The following CLDN22 variants were observed in gnomAD, a reference collection of about 807,000 sequenced individuals.
CLDN22 encodes claudin-22.
For synonymous variants in CLDN22, 86 were observed against 107.9 expected, an observed-to-expected ratio of 0.80 and a Z score of 1.26; for missense variants, 227 against 252.2, an observed-to-expected ratio of 0.90 and a Z score of 0.68.
In CLDN22 at chr4:183,319,292, C is replaced by G; in HGVS notation, c.*264G>C. 1 of 394,360 alleles carries G rather than the reference C, an allele frequency of 2.5e-6. No individual in the cohort carries two copies. Among genetic ancestry groups the G allele is most frequent in the Admixed American group, 4.2e-5 (1 of 23,752 alleles). 24.4% of individuals were successfully genotyped at this position (394,360 alleles called of 1,614,324 possible). ...ATAGAGATTAATGTTTTATTTACCA[C>G]TTCTGTGCAATCGCTATTTTAAAAT... On this transcript the variant is annotated 3_prime_UTR_variant, in exon 1 of 1. Coordinates refer to ENST00000323319, the MANE Select transcript of CLDN22 (RefSeq NM_001111319.3).
In CLDN22 at chr4:183,319,820, G is replaced by A. The variant is rs1739575576; in HGVS notation, c.399C>T (p.Ala133=). The A allele has an allele frequency of 2.5e-6, 4 of 1,613,920 alleles. No homozygotes were observed. The highest frequency in any genetic ancestry group is 3.4e-6 in the Non-Finnish European group (4 of 1,179,894). The change falls in exon 1 of 1, where the codon GCC becomes GCT. Residue 133 remains alanine (A), a synonymous_variant. Coordinates refer to ENST00000323319, the MANE Select transcript of CLDN22 (RefSeq NM_001111319.3). The stretch of plus-strand genomic sequence containing the variant: ...GGGCAACCCAAGAGACGGGAACCAG[G>A]GCTGTGACTCCCGAGGCCCAGGACA... ...GILSWASGVT[A]LVPVSWVAHK... is the part of the protein sequence containing the mutation.
chr4:183,319,830 C>T lies in CLDN22; in HGVS notation c.389G>A (p.Gly130Glu). ...ILGGILSWAS[G>E]VTALVPVSWV... is the part of the protein sequence containing the mutation. ...AGAGACGGGAACCAGGGCTGTGACT[C>T]CCGAGGCCCAGGACAGAATTCCTCC... The change falls in exon 1 of 1, where the codon GGA (glycine) becomes GAA (glutamate). Residue 130 changes from glycine to glutamate, a missense_variant. Gly to Glu is a moderately conservative substitution (Grantham distance 98, BLOSUM62 -2). Transcript: ENST00000323319. 1.9e-6 allele frequency: 3 copies of T among 1,613,986 alleles called. No homozygotes were observed. The highest frequency in any genetic ancestry group is 1.7e-6 in the Non-Finnish European group (2 of 1,179,890).
Position 183,319,992 on chromosome 4 carries a change from T to G in CLDN22, c.227A>C (p.Glu76Ala). The change falls in exon 1 of 1, where the codon GAA (glutamate) becomes GCA (alanine). Residue 76 changes from glutamate (E) to alanine (A), a missense_variant. Glu to Ala is a moderately radical substitution (Grantham distance 107). Coordinates refer to ENST00000323319, the MANE Select transcript of CLDN22 (RefSeq NM_001111319.3). Reference protein sequence around the residue: ...DFDSFLALPAELRVSRILMFL... With the variant: ...DFDSFLALPAALRVSRILMFL... ...CATTAAGATCCTGGAGACCCTGAGT[T>G]CAGCAGGCAAAGCCAGGAAGGAGTC... 1 of 1,613,792 alleles carries G rather than the reference T, an allele frequency of 6.2e-7. No individual in the cohort carries two copies.
Position 183,319,246 on chromosome 4 carries a change from G to T in CLDN22, c.*310C>A. The stretch of plus-strand genomic sequence containing the variant: ...TTTGCCAAATGATTCCGCTCCATAT[G>T]AATAATACCTTCAAAGATACATAGA... On this transcript the variant is annotated 3_prime_UTR_variant, in exon 1 of 1. Coordinates refer to ENST00000323319, the MANE Select transcript of CLDN22 (RefSeq NM_001111319.3). 4.0e-6 allele frequency: 1 copy of T among 247,438 alleles called. No homozygotes were observed. Among genetic ancestry groups the T allele is most frequent in the Non-Finnish European group, 7.7e-6 (1 of 129,048 alleles). 15.3% of individuals were successfully genotyped at this position (247,438 alleles called of 1,614,324 possible).
At position 183,318,588 on chromosome 4, in the gene CLDN22, CAA is replaced by C. The variant is rs879176114; in HGVS notation, c.*966_*967del. On this transcript the variant is annotated 3_prime_UTR_variant, in exon 1 of 1. Transcript: ENST00000323319. ...TTTATTTCCCTGATTGGCACAAACA[CAA>C]GAGTTTCCTTGAACCATGTACCAAG... The C allele has an allele frequency of 1.3e-5, 2 of 152,182 alleles. No homozygotes were observed. The highest frequency in any genetic ancestry group is 4.2e-4 in the South Asian group (2 of 4,810). 9.4% of individuals were successfully genotyped at this position (152,182 alleles called of 1,614,324 possible).
rs1402635615 is a variant in CLDN22, at chr4:183,319,566, A to T, written c.653T>A (p.Leu218Gln). 6.2e-7 allele frequency: 1 copy of T among 1,610,518 alleles called. No individual in the cohort carries two copies. The highest frequency in any genetic ancestry group is 8.5e-7 in the Non-Finnish European group (1 of 1,178,298). Residue 218 changes from leucine (L) to glutamine (Q), a missense_variant, in exon 1 of 1, where the codon CTG becomes CAG. Coordinates refer to ENST00000323319, the MANE Select transcript of CLDN22 (RefSeq NM_001111319.3). ...HQELETRNTN[L>Q]KH is the part of the protein sequence containing the mutation. ...CTTGTCCTTTCTGGCTTAGTGTTTC[A>T]GGTTGGTGTTTCTCGTCTCCAGTTC...
In CLDN22 at chr4:183,319,843, A is replaced by G. The variant is rs928152435; in HGVS notation, c.376T>C (p.Ser126Pro). The change falls in exon 1 of 1, where the codon TCC (serine) becomes CCC (proline). Residue 126 changes from serine to proline, a missense_variant. By Grantham distance (74) the Ser-to-Pro change is moderately conservative. Coordinates refer to ENST00000323319, the MANE Select transcript of CLDN22 (RefSeq NM_001111319.3). ...AGGGCTGTGACTCCCGAGGCCCAGG[A>G]CAGAATTCCTCCCAGGATCAGCAGT... ...RRLLILGGIL[S>P]WASGVTALVP... is the part of the protein sequence containing the mutation. 4.3e-6 allele frequency: 7 copies of G among 1,613,960 alleles called. No individual in the cohort carries two copies. The South Asian group carries it at 5.5e-5, about 13-fold the overall frequency.
rs1006298490 is a variant in CLDN22 at position 183,319,067 on chromosome 4, A to G, written c.*489T>C. 6.5e-6 allele frequency: 1 copy of G among 153,694 alleles called. No individual in the cohort carries two copies. Among genetic ancestry groups the G allele is most frequent in the Non-Finnish European group, 1.4e-5 (1 of 69,074 alleles). 9.5% of individuals were successfully genotyped at this position (153,694 alleles called of 1,614,324 possible). On this transcript the variant is annotated 3_prime_UTR_variant, in exon 1 of 1. Transcript: ENST00000323319. ...GAGACACTGAGGTCTCTGATTCAGAAGGAGATGATGTGTCTACACCTTTCA... is the reference window on the plus strand; with the variant it reads ...GAGACACTGAGGTCTCTGATTCAGAGGGAGATGATGTGTCTACACCTTTCA...
rs564396747 is a variant in CLDN22, at chr4:183,319,712, G to C, written c.507C>G (p.Gly169=). 150 of 1,614,110 alleles carry C rather than the reference G, an allele frequency of 9.3e-5. 1 individual carries two copies. In the East Asian group the frequency reaches 3.2e-3, roughly 34 times the overall value. Residue 169 remains glycine, a synonymous_variant, in exon 1 of 1, where the codon GGC becomes GGG. Coordinates refer to ENST00000323319, the MANE Select transcript of CLDN22 (RefSeq NM_001111319.3). ...GCAGAAGAGAAAGTCCAGCAAACCA[G>C]CCCAGAAACAGGGCCTCCCCAAACT... ...RWEFGEALFL[G]WFAGLSLLLG...
In CLDN22 at chr4:183,319,296, T is replaced by C; in HGVS notation, c.*260A>G. The C allele has an allele frequency of 2.5e-6, 1 of 405,216 alleles. No individual in the cohort carries two copies. Among genetic ancestry groups the C allele is most frequent in the Non-Finnish European group, 4.4e-6 (1 of 229,474 alleles). The allele number at this position is 405,216 out of a possible 1,614,324, so 25.1% of individuals were successfully genotyped here. Reference sequence around the variant, plus strand: ...AGATTAATGTTTTATTTACCACTTCTGTGCAATCGCTATTTTAAAATTGAG... The same window carrying C: ...AGATTAATGTTTTATTTACCACTTCCGTGCAATCGCTATTTTAAAATTGAG... On this transcript the variant is annotated 3_prime_UTR_variant, in exon 1 of 1. Coordinates refer to ENST00000323319, the MANE Select transcript of CLDN22 (RefSeq NM_001111319.3).
In CLDN22 at chr4:183,320,240, G is replaced by A. The variant is rs745751905; in HGVS notation, c.-22C>T. 3.8e-6 allele frequency: 6 copies of A among 1,593,490 alleles called. No individual in the cohort carries two copies. Among genetic ancestry groups the A allele is most frequent in the Non-Finnish European group, 4.3e-6 (5 of 1,169,968 alleles). ...CCATTATAATGTCCTGAGAGCTTTA[G>A]CCAAACTAACTCCTGCCCTTCGGTT... On this transcript the variant is annotated 5_prime_UTR_variant, in exon 1 of 1. Transcript: ENST00000323319.
Position 183,319,472 on chromosome 4 carries a change from A to G in CLDN22, c.*84T>C. 7.4e-7 allele frequency: 1 copy of G among 1,351,052 alleles called. No individual in the cohort carries two copies. Among genetic ancestry groups the G allele is most frequent in the Non-Finnish European group, 1.0e-6 (1 of 985,514 alleles). The allele number at this position is 1,351,052 out of a possible 1,614,324, so 83.7% of individuals were successfully genotyped here. On this transcript the variant is annotated 3_prime_UTR_variant, in exon 1 of 1. Transcript: ENST00000323319. The stretch of plus-strand genomic sequence containing the variant: ...ATGCATTTTCAAAAATCAAAAGCAC[A>G]GTGAGATGACTAGAGCGGGACATCC...
In CLDN22 at chr4:183,319,438, C is replaced by T. The variant is rs933338590; in HGVS notation, c.*118G>A. On this transcript the variant is annotated 3_prime_UTR_variant, in exon 1 of 1. Transcript: ENST00000323319. ...GAAAGAAACTATAGTTTAATAGCCA[C>T]AGGAAAAGATGCATTTTCAAAAATC... 4.6e-6 allele frequency: 5 copies of T among 1,098,610 alleles called. No individual in the cohort carries two copies. In the African/African-American group the frequency reaches 7.9e-5, roughly 17 times the overall value. The allele number at this position is 1,098,610 out of a possible 1,614,324, so 68.1% of individuals were successfully genotyped here. A position where few individuals can be genotyped will look rare whatever the true frequency, so the allele number is the denominator to read the frequency against.
chr4:183,318,504 AAGC>A lies in CLDN22; in HGVS notation c.*1049_*1051del, dbSNP rs1739518457. 1 of 152,374 alleles carries A rather than the reference AAGC, an allele frequency of 6.6e-6. No individual in the cohort carries two copies. Among genetic ancestry groups the A allele is most frequent in the Admixed American group, 6.5e-5 (1 of 15,274 alleles). 9.4% of individuals were successfully genotyped at this position (152,374 alleles called of 1,614,324 possible). ...ATTCAGTGGTTTTTTTTAAAAAAAA[AAGC>A]AAAAACAAAGCTACATATTGCCTAA... is the stretch of plus-strand genomic sequence containing the variant. On this transcript the variant is annotated 3_prime_UTR_variant, in exon 1 of 1. Coordinates refer to ENST00000323319, the MANE Select transcript of CLDN22 (RefSeq NM_001111319.3).
Position 183,319,493 on chromosome 4 carries a change from C to T in CLDN22, c.*63G>A. Reference sequence around the variant, plus strand: ...GCACAGTGAGATGACTAGAGCGGGACATCCTACCAAATCCAGTGTTGAGCA... The same window carrying T: ...GCACAGTGAGATGACTAGAGCGGGATATCCTACCAAATCCAGTGTTGAGCA... On this transcript the variant is annotated 3_prime_UTR_variant, in exon 1 of 1. Transcript: ENST00000323319. 6.8e-7 allele frequency: 1 copy of T among 1,467,334 alleles called. No individual in the cohort carries two copies. Among genetic ancestry groups the T allele is most frequent in the Non-Finnish European group, 9.2e-7 (1 of 1,086,140 alleles). The allele number at this position is 1,467,334 out of a possible 1,614,324, so 90.9% of individuals were successfully genotyped here. A position where few individuals can be genotyped will look rare whatever the true frequency, so the allele number is the denominator to read the frequency against.
At position 183,319,326 on chromosome 4, in the gene CLDN22, C is replaced by G; in HGVS notation, c.*230G>C. The G allele has an allele frequency of 2.2e-6, 1 of 463,856 alleles. No homozygotes were observed. Among genetic ancestry groups the G allele is most frequent in the Non-Finnish European group, 3.8e-6 (1 of 266,098 alleles). 28.7% of individuals were successfully genotyped at this position (463,856 alleles called of 1,614,324 possible). On this transcript the variant is annotated 3_prime_UTR_variant, in exon 1 of 1. Transcript: ENST00000323319. ...AATCGCTATTTTAAAATTGAGAAAA[C>G]TCATCCACAGTAATGGGTGTCATTA...
rs1174537164 is a variant in CLDN22, at chr4:183,319,536, A to G, written c.*20T>C. On this transcript the variant is annotated 3_prime_UTR_variant, in exon 1 of 1. Coordinates refer to ENST00000323319, the MANE Select transcript of CLDN22 (RefSeq NM_001111319.3). The stretch of plus-strand genomic sequence containing the variant: ...GTTGAGCAAGCGTCTCCTGAACAGC[A>G]GACGCTTGTCCTTTCTGGCTTAGTG... The G allele has an allele frequency of 6.3e-6, 10 of 1,587,894 alleles. No individual in the cohort carries two copies. Among genetic ancestry groups the G allele is most frequent in the Non-Finnish European group, 8.6e-6 (10 of 1,167,482 alleles).
Position 183,319,198 on chromosome 4 carries a change from AAAC to A in CLDN22, c.*355_*357del, listed in dbSNP as rs1553982811. ...CAGGCTTATTATACTAGGTTATCTT[AAAC>A]ACCTGAAATAAGTAAATGATTTGCC... On this transcript the variant is annotated 3_prime_UTR_variant, in exon 1 of 1. Transcript: ENST00000323319. 2 of 183,178 alleles carry A rather than the reference AAAC, an allele frequency of 1.1e-5. No homozygotes were observed. The highest frequency in any genetic ancestry group is 2.3e-5 in the Non-Finnish European group (2 of 86,540). The allele number at this position is 183,178 out of a possible 1,614,324, so 11.3% of individuals were successfully genotyped here.
rs927387838 is a variant in CLDN22 at position 183,318,554 on chromosome 4, A to G, written c.*1002T>C. 1.3e-5 allele frequency: 2 copies of G among 151,398 alleles called. No individual in the cohort carries two copies. The highest frequency in any genetic ancestry group is 3.0e-5 in the Non-Finnish European group (2 of 67,772). The allele number at this position is 151,398 out of a possible 1,614,324, so 9.4% of individuals were successfully genotyped here. A position where few individuals can be genotyped will look rare whatever the true frequency, so the allele number is the denominator to read the frequency against. On this transcript the variant is annotated 3_prime_UTR_variant, in exon 1 of 1. Transcript: ENST00000323319. ...CTAATACTCTATTTCAGTGTCGTTT[A>G]TTGTTCAGTTTATTTCCCTGATTGG...
Sources: allele counts gnomAD v4.1 joint callset, GRCh38; gene constraint gnomAD v4.1.1; transcripts MANE v1.5; gene names NCBI Gene and HGNC (gene_info 2026-07-23, HGNC 2026-07-21).